The following PCDHGB2 variants were observed in gnomAD, a reference collection of about 807,000 sequenced individuals.
PCDHGB2 encodes the protein protocadherin gamma subfamily B, 2.
A neutral mutation model predicts 59.3 loss-of-function variants in PCDHGB2; 55 were observed. The observed-to-expected ratio is 0.93, with a 90% CI of 0.75 to 1.16. The LOEUF is 1.16. Among genes scored for constraint, PCDHGB2 ranks in the 50% most tolerant of loss-of-function variants. The probability of loss-of-function intolerance (pLI) is 0.00; values close to 1 mark genes in which losing one functional copy is unlikely to be tolerated. For missense variants in PCDHGB2, 1,228 were observed against 1,198.5 expected, an observed-to-expected ratio of 1.02 and a Z score of -0.36; for synonymous variants, 516 against 512.0, an observed-to-expected ratio of 1.01 and a Z score of -0.11.
chr5:141,446,423 T>C (rs745968692), intron 1 of PCDHGB2, among the ~76,000 whole-genome samples: 1 of 152,152 alleles, frequency 6.6e-6, no homozygotes, highest in Non-Finnish European at 1.5e-5. Context: ...CATGTTCATT[T>C]GAAGGATCTG....
Position 141,389,732 on chromosome 5 carries a change from C to T in PCDHGB2, c.2421+27176C>T, listed in dbSNP as rs765577336. 11 of 1,612,674 alleles carry T rather than the reference C, an allele frequency of 6.8e-6. No homozygotes were observed. The South Asian group carries it at 1.2e-4, about 18-fold the overall frequency. ...AGGCTAGCGAGCCCGGGCTCTTCAGCCTGGGGCTGCGCACGGGCGAAGTGC... is the reference window on the plus strand; with the variant it reads ...AGGCTAGCGAGCCCGGGCTCTTCAGTCTGGGGCTGCGCACGGGCGAAGTGC... On this transcript the variant is annotated intron_variant, in intron 1 of 3. Transcript: ENST00000522605.
chr5:141,419,115 A>G (rs1159582360), intron 1 of PCDHGB2: 1 of 1,613,872 alleles, frequency 6.2e-7, no homozygotes, highest in Non-Finnish European at 8.5e-7. Flanking sequence ...CCAGAGTACA[A>G]CGTCACCATC....
intron 1 of PCDHGB2, chr5:141,415,493 T>C (rs1312874620): frequency 6.2e-7 from 1 of 1,614,108 alleles, no homozygotes; most frequent in Non-Finnish European, 8.5e-7. Context: ...AGTCACCTGA[T>C]CTTCCCCCAG....
At chr5:141,388,814 C>A in intron 1 of PCDHGB2, 1 of 1,613,826 alleles carries the variant, frequency 6.2e-7, no homozygotes, top group Non-Finnish European at 8.5e-7. Context: ...TTGAAGAAGT[C>A]AAAGAATATT....
chr5:141,398,497 G>A, intron 1 of PCDHGB2: 1 of 1,570,856 alleles, frequency 6.4e-7, no homozygotes, highest in Non-Finnish European at 8.6e-7. Context: ...TGTGGAGATC[G>A]AGGACATTAA....
At chr5:141,366,285 C>A in intron 1 of PCDHGB2, 1 of 1,613,710 alleles carries the variant, frequency 6.2e-7, no homozygotes, top group East Asian at 2.2e-5. Flanking sequence ...CATGGCCAGC[C>A]CCCTCTGTCA....
At chr5:141,399,402 G>T (rs2093800599) in intron 1 of PCDHGB2, 2 of 1,613,898 alleles carry the variant, frequency 1.2e-6, no homozygotes, top group Non-Finnish European at 1.7e-6. Context: ...ACAGGGGCAA[G>T]CCGCCCCTCT....
intron 1 of PCDHGB2, chr5:141,372,274 G>T (rs767978142): frequency 4.3e-6 from 7 of 1,612,960 alleles, no homozygotes; most frequent in Non-Finnish European, 3.4e-6. Context: ...GGTGAGGTGC[G>T]CACGGCGCGT....
At position 141,408,331 on chromosome 5, in the gene PCDHGB2, G is replaced by C. The variant is rs779178317; in HGVS notation, c.2421+45775G>C. On this transcript the variant is annotated intron_variant, in intron 1 of 3. Transcript: ENST00000522605. Reference sequence around the variant, plus strand: ...ACTCGATTCCGGAGGAGCTGGCCAAGGGCTCGGTGGTGGGGAACCTCGCTA... The same window carrying C: ...ACTCGATTCCGGAGGAGCTGGCCAACGGCTCGGTGGTGGGGAACCTCGCTA... 3.1e-6 allele frequency: 5 copies of C among 1,613,932 alleles called. No individual in the cohort carries two copies. In the South Asian group the frequency reaches 5.5e-5, roughly 18 times the overall value.
In PCDHGB2 at chr5:141,487,494, C is replaced by T. The variant is rs116370895; in HGVS notation, c.2422-7313C>T. 12 of 1,614,120 alleles carry T rather than the reference C, an allele frequency of 7.4e-6. No individual in the cohort carries two copies. The East Asian group carries it at 1.1e-4, about 15-fold the overall frequency. On this transcript the variant is annotated intron_variant, in intron 1 of 3. Transcript: ENST00000522605. The surrounding 1 kb of genome is among the most constrained non-coding windows in gnomAD (Gnocchi z 5.0). Reference sequence around the variant, plus strand: ...GGAGGCCACTCTCATGGCTGTACACCCTTGGCTTCTGCACCCACTCGGAGT... The same window carrying T: ...GGAGGCCACTCTCATGGCTGTACACTCTTGGCTTCTGCACCCACTCGGAGT...
Position 141,438,619 on chromosome 5 carries a change from T to C in PCDHGB2, c.2422-56188T>C, listed in dbSNP as rs1053855444. Reference sequence around the variant, plus strand: ...ATATATATATATATATATATATATATATATATATATATATATACACACACA... The same window carrying C: ...ATATATATATATATATATATATATACATATATATATATATATACACACACA... On this transcript the variant is annotated intron_variant, in intron 1 of 3. Transcript: ENST00000522605. 1.0e-4 allele frequency among the ~76,000 whole-genome samples: 4 copies of C among 39,678 alleles called. No homozygotes were observed. The East Asian group carries it at 2.5e-3, about 25-fold the overall frequency. The allele number at this position is 39,678 out of a possible 152,430, so 26.0% of individuals were successfully genotyped here.
chr5:141,417,232 G>C (rs997894028), intron 1 of PCDHGB2: 5 of 152,072 alleles, frequency 3.3e-5, no homozygotes, highest in Non-Finnish European at 7.4e-5. Flanking sequence ...AAAATTTGTT[G>C]CTTATCTTCA....
chr5:141,410,849 C>G, intron 1 of PCDHGB2: 1 of 136,716 alleles, frequency 7.3e-6, no homozygotes, highest in Non-Finnish European at 1.2e-5. Flanking sequence ...TTGTCTTTGT[C>G]TTTTTTTTTT....
In PCDHGB2 at chr5:141,490,294, T is replaced by C. The variant is rs766906839; in HGVS notation, c.2422-4513T>C. ...CAATGACAATGCCCCAGAGGTGCTA[T>C]TGGCCTCTTTGGCCAACCCTGTCCT... On this transcript the variant is annotated intron_variant, in intron 1 of 3. Transcript: ENST00000522605. This position sits in a 1 kb window ranked among gnomAD's most constrained non-coding sequence, Gnocchi z 5.4. The C allele has an allele frequency of 5.6e-6, 9 of 1,614,104 alleles. No individual in the cohort carries two copies. The East Asian group carries it at 1.3e-4, about 24-fold the overall frequency.
At position 141,487,063 on chromosome 5, in the gene PCDHGB2, G is replaced by T; in HGVS notation, c.2422-7744G>T. The T allele has an allele frequency of 6.2e-7, 1 of 1,614,086 alleles. No homozygotes were observed. ...CTCGATATGCTGGGGAGGTGCGGACGGCTGTTCCTATCCCAGCTGACCTCC... is the reference window on the plus strand; with the variant it reads ...CTCGATATGCTGGGGAGGTGCGGACTGCTGTTCCTATCCCAGCTGACCTCC... On this transcript the variant is annotated intron_variant, in intron 1 of 3. Coordinates refer to ENST00000522605, the MANE Select transcript of PCDHGB2 (RefSeq NM_018923.3). The surrounding 1 kb of genome is among the most constrained non-coding windows in gnomAD (Gnocchi z 5.0).
intron 1 of PCDHGB2, chr5:141,409,921 G>C (rs767370997): frequency 2.7e-5 from 44 of 1,613,404 alleles, no homozygotes; most frequent in Non-Finnish European, 3.7e-5. Context: ...ACGGCTCCGC[G>C]TTCTTCGATA....
At position 141,511,108 on chromosome 5, in the gene PCDHGB2, G is replaced by A; in HGVS notation, c.2731G>A (p.Asp911Asn). The A allele has an allele frequency of 6.2e-7, 1 of 1,614,244 alleles. No homozygotes were observed. The highest frequency in any genetic ancestry group is 2.2e-5 in the East Asian group (1 of 44,882). Residue 911 changes from aspartate (D) to asparagine (N), a missense_variant, in exon 4 of 4, where the codon GAT (aspartate) becomes AAT (asparagine). Physicochemically the swap from Asp to Asn is conservative, Grantham distance 23. This residue lies in a region of PCDHGB2 where 433 missense variants were observed against 441.8 expected (regional missense o/e 0.98). Coordinates refer to ENST00000522605, the MANE Select transcript of PCDHGB2 (RefSeq NM_018923.3). ...ATLTNAAGKR[D>N]GKAPAGGNGN... Reference sequence around the variant, plus strand: ...ACTGACCAACGCAGCTGGCAAGCGGGATGGCAAGGCCCCAGCAGGTGGCAA... The same window carrying A: ...ACTGACCAACGCAGCTGGCAAGCGGAATGGCAAGGCCCCAGCAGGTGGCAA...
At chr5:141,461,607 A>C (rs74634930) in intron 1 of PCDHGB2, among the ~76,000 whole-genome samples, 8,353 of 152,212 alleles carry the variant, frequency 0.055, 473 homozygotes, top group African/African-American at 0.15. Flanking sequence ...AATTTAGTTC[A>C]AAGTATTTTC....
chr5:141,500,894 C>G (rs1221911920), intron 2 of PCDHGB2, among the ~76,000 whole-genome samples: 1 of 150,982 alleles, frequency 6.6e-6, no homozygotes, highest in African/African-American at 2.4e-5. Flanking sequence ...TTTTTTGAGA[C>G]AGTCTCGCTC....
Sources: gnomAD v4.1 joint callset for allele counts (sites outside exome capture counted in the v4.1 genomes callset) on GRCh38, gnomAD v4.1.1 for gene constraint, gnomAD v4.1.1 regional missense constraint, Gnocchi (gnomAD v3.1) non-coding constraint, MANE v1.5 for transcripts, NCBI Gene and HGNC (gene_info 2026-07-23, HGNC 2026-07-21) for gene names.